The following KCNAB1 variants were observed in gnomAD, a reference collection of about 807,000 sequenced individuals.
KCNAB1 encodes the protein potassium voltage-gated channel subfamily A regulatory beta subunit 1.
Under a neutral mutation model 64.6 loss-of-function variants are expected in KCNAB1, and 35 were observed. The ratio of observed to expected loss-of-function variants is 0.54; its 90% CI spans 0.41 to 0.72. The LOEUF (loss-of-function observed/expected upper bound fraction) is 0.72. Ranked by LOEUF, KCNAB1 falls within the 30% of genes least tolerant of loss-of-function variation. The pLI, the probability that KCNAB1 is intolerant of heterozygous loss-of-function variation, is 0.00. For missense variants in KCNAB1, 401 were observed against 512.9 expected (o/e 0.78, Z 2.11); for synonymous variants, 177 against 183.8 (o/e 0.96, Z 0.30).
chr3:156,277,076 G>A (rs888162856), intron 1 of KCNAB1, among the ~76,000 whole-genome samples: 2 of 152,036 alleles, frequency 1.3e-5, no homozygotes, highest in Non-Finnish European at 2.9e-5. Flanking sequence ...GGCCATTGTA[G>A]GGTAATTAAT....
intron 1 of KCNAB1, among the ~76,000 whole-genome samples, chr3:156,278,365 G>A (rs969899832): frequency 6.6e-5 from 10 of 152,122 alleles, no homozygotes; most frequent in African/African-American, 2.4e-4. Flanking sequence ...TAGTTTTCAA[G>A]GGTGAAGATA....
At chr3:156,165,326 A>G (rs1711515228) in intron 1 of KCNAB1, among the ~76,000 whole-genome samples, 1 of 149,812 alleles carries the variant, frequency 6.7e-6, no homozygotes, top group Non-Finnish European at 1.5e-5. Flanking sequence ...AAGTGAGCAG[A>G]GCATTATACT....
At chr3:156,524,818 A>G (rs1399348723) in intron 12 of KCNAB1, among the ~76,000 whole-genome samples, 2 of 151,496 alleles carry the variant, frequency 1.3e-5, no homozygotes, top group African/African-American at 4.8e-5. Context: ...GAAAGATAAT[A>G]TGAACCACAT....
intron 4 of KCNAB1, among the ~76,000 whole-genome samples, chr3:156,459,499 T>C (rs928765654): frequency 2.0e-5 from 3 of 152,110 alleles, no homozygotes; most frequent in African/African-American, 7.2e-5. Context: ...TGACTCCCTT[T>C]GGACACTACC....
intron 1 of KCNAB1, among the ~76,000 whole-genome samples, chr3:156,141,286 T>C (rs1714691920): frequency 6.6e-6 from 1 of 152,188 alleles, no homozygotes; most frequent in African/African-American, 2.4e-5. Flanking sequence ...AATTTATATT[T>C]AGTTCCATGC....
At chr3:156,427,662 CA>C (rs1715907191) in intron 2 of KCNAB1, among the ~76,000 whole-genome samples, 1 of 152,098 alleles carries the variant, frequency 6.6e-6, no homozygotes, top group Non-Finnish European at 1.5e-5. Flanking sequence ...TGACTTCCTC[CA>C]GTGGTATATC....
chr3:156,253,314 C>T (rs1007445657), intron 1 of KCNAB1, among the ~76,000 whole-genome samples: 9 of 152,244 alleles, frequency 5.9e-5, no homozygotes, highest in East Asian at 1.9e-4. Context: ...GAGTGAGATA[C>T]GTGGCTGAAA....
chr3:156,418,084 T>C (rs185209972), intron 1 of KCNAB1, among the ~76,000 whole-genome samples: 1 of 152,360 alleles, frequency 6.6e-6, no homozygotes, highest in African/African-American at 2.4e-5. Context: ...AAAATGAACA[T>C]GGTGAGACTT....
At chr3:156,462,804 C>T (rs993962920) in intron 5 of KCNAB1, among the ~76,000 whole-genome samples, 5 of 152,158 alleles carry the variant, frequency 3.3e-5, no homozygotes, top group African/African-American at 1.2e-4. Flanking sequence ...TAGACCAGTG[C>T]GATCAAATTA....
At chr3:156,169,497 G>A (rs1030572304) in intron 1 of KCNAB1, among the ~76,000 whole-genome samples, 1 of 152,180 alleles carries the variant, frequency 6.6e-6, no homozygotes, top group African/African-American at 2.4e-5. Flanking sequence ...TTCTTGAGCC[G>A]TTCTTGCCTT....
At chr3:156,444,565 CCTTA>C (rs1388583247) in intron 2 of KCNAB1, among the ~76,000 whole-genome samples, 1 of 152,144 alleles carries the variant, frequency 6.6e-6, no homozygotes. Context: ...CCTGATGTCC[CCTTA>C]CTTACTTAGC....
At chr3:156,393,122 C>T (rs1444987219) in intron 1 of KCNAB1, among the ~76,000 whole-genome samples, 1 of 152,158 alleles carries the variant, frequency 6.6e-6, no homozygotes, top group African/African-American at 2.4e-5. Flanking sequence ...TGGGAAGCAG[C>T]AGATCACATT....
intron 1 of KCNAB1, chr3:156,176,426 G>A (rs1185473428): frequency 5.1e-6 from 4 of 784,302 alleles, no homozygotes; most frequent in Non-Finnish European, 9.5e-6. Flanking sequence ...TGCAAACAAG[G>A]TGGCTAGATA....
chr3:156,412,155 C>T (rs1002373405), intron 1 of KCNAB1, among the ~76,000 whole-genome samples: 10 of 152,026 alleles, frequency 6.6e-5, no homozygotes, highest in Non-Finnish European at 1.3e-4. Flanking sequence ...AATAGTATTA[C>T]TCTTTTAAAT....
At chr3:156,307,644 A>G (rs534506826) in intron 1 of KCNAB1, among the ~76,000 whole-genome samples, 109 of 152,216 alleles carry the variant, frequency 7.2e-4, no homozygotes, top group African/African-American at 2.6e-3. Context: ...TCTCTGGGCC[A>G]AGGAAGGGGC....
chr3:156,346,059 A>G (rs1353092544), intron 1 of KCNAB1, among the ~76,000 whole-genome samples: 1 of 151,222 alleles, frequency 6.6e-6, no homozygotes, highest in African/African-American at 2.4e-5. Context: ...CATGGCTATC[A>G]TGGTCTGATG....
At chr3:156,468,825 A>G (rs936333570) in intron 7 of KCNAB1, among the ~76,000 whole-genome samples, 1 of 152,216 alleles carries the variant, frequency 6.6e-6, no homozygotes. Context: ...TCACCCAAAC[A>G]GCATCCCTGC....
chr3:156,234,007 C>T (rs1012971037), intron 1 of KCNAB1, among the ~76,000 whole-genome samples: 3 of 151,714 alleles, frequency 2.0e-5, no homozygotes, highest in Admixed American at 2.0e-4. Context: ...CTAGAGTTTA[C>T]GAGAGACACC....
At position 156,120,825 on chromosome 3, in the gene KCNAB1, C is replaced by T. The variant is rs1244839207; in HGVS notation, c.214C>T (p.Leu72=). ...GCGCGAAGTGGAGATGAACTGGTAC[C>T]TAAAGCTCTGCGACCTGTCCAGCGA... is the stretch of plus-strand genomic sequence containing the variant. ...LLREVEMNWY[L]KLCDLSSEHT... is the part of the protein sequence containing the mutation. The change falls in exon 1 of 14, where the codon CTA becomes TTA. Residue 72 remains leucine (L), a synonymous_variant. Coordinates refer to ENST00000490337, the MANE Select transcript of KCNAB1 (RefSeq NM_172160.3). 1.2e-6 allele frequency: 2 copies of T among 1,614,228 alleles called. No individual in the cohort carries two copies. Among genetic ancestry groups the T allele is most frequent in the Non-Finnish European group, 1.7e-6 (2 of 1,180,048 alleles).
Sources: gnomAD v4.1 joint callset for allele counts (sites outside exome capture counted in the v4.1 genomes callset) on GRCh38, gnomAD v4.1.1 for gene constraint, MANE v1.5 for transcripts, NCBI Gene and HGNC (gene_info 2026-07-23, HGNC 2026-07-21) for gene names.